HORMAD2: variants seen among roughly 807,000 people sequenced by gnomAD.
HORMAD2 encodes the protein HORMA domain-containing protein 2.
HORMAD2 carries 45 observed loss-of-function variants against 38.8 expected under a neutral mutation model. The observed-to-expected ratio is 1.16, with a 90% CI of 0.91 to 1.49. HORMAD2 has a LOEUF of 1.49. Ranked by LOEUF, HORMAD2 falls within the 40% of genes most tolerant of loss-of-function variation. The pLI, the probability that HORMAD2 is intolerant of heterozygous loss-of-function variation, is 0.00. For missense variants in HORMAD2, 338 were observed against 367.0 expected (o/e 0.92, Z 0.65); for synonymous variants, 126 against 122.8 (o/e 1.03, Z -0.17).
rs893725466 is a variant in HORMAD2 at position 30,173,326 on chromosome 22, A to G, written c.820-2737A>G. 5.3e-5 allele frequency among the ~76,000 whole-genome samples: 8 copies of G among 152,202 alleles called. No individual in the cohort carries two copies. In the East Asian group the frequency reaches 7.7e-4, roughly 15 times the overall value. ...CTCCAGAGTGGACAATGGATTGGAG[A>G]GGCAGTCATAGTGGCAGTAGGGACC... On this transcript the variant is annotated intron_variant, in intron 10 of 10. Coordinates refer to ENST00000336726, the MANE Select transcript of HORMAD2 (RefSeq NM_152510.4).
intron 9 of HORMAD2, 81 bp downstream of exon 9, chr22:30,121,870 T>C: frequency 6.5e-7 from 1 of 1,541,760 alleles, no homozygotes. Flanking sequence ...TGCAGGCATC[T>C]GAAAGAGAAG....
chr22:30,118,929 G>A, intron 7 of HORMAD2, 51 bp from the exon 8 acceptor site: 1 of 1,259,622 alleles, frequency 7.9e-7, no homozygotes, highest in African/African-American at 1.5e-5. Context: ...GTAAGATTCT[G>A]GATTTCTTTT....
chr22:30,126,820 T>C (rs1010142261), intron 10 of HORMAD2, among the ~76,000 whole-genome samples: 1 of 152,352 alleles, frequency 6.6e-6, no homozygotes, highest in Non-Finnish European at 1.5e-5. Context: ...ATGAGAGTTG[T>C]GGTTGCTTTA....
chr22:30,189,945 T>C, the HORMAD2 span, among the ~76,000 whole-genome samples: 1 of 152,108 alleles, frequency 6.6e-6, no homozygotes, highest in Non-Finnish European at 1.5e-5. Flanking sequence ...GAACCTTTTC[T>C]CCCACAATTA....
intron 1 of HORMAD2, among the ~76,000 whole-genome samples, chr22:30,085,502 C>T (rs973507120): frequency 6.6e-6 from 1 of 152,062 alleles, no homozygotes; most frequent in African/African-American, 2.4e-5. Context: ...GCCTGTAATC[C>T]CAGCACTTTG....
At chr22:30,109,339 A>G (rs1297430252) in intron 5 of HORMAD2, among the ~76,000 whole-genome samples, 1 of 141,350 alleles carries the variant, frequency 7.1e-6, no homozygotes, top group Non-Finnish European at 1.5e-5. Context: ...TTTCTTTCTT[A>G]TAGGGTTTCA....
the HORMAD2 span, among the ~76,000 whole-genome samples, chr22:30,201,412 CTT>C: frequency 1.7e-4 from 21 of 121,046 alleles, no homozygotes; most frequent in South Asian, 5.6e-4. Context: ...AGAGTTAAGA[CTT>C]TTTTTTTTTT....
chr22:30,087,047 G>A (rs1193064411), intron 1 of HORMAD2, among the ~76,000 whole-genome samples: 2 of 152,174 alleles, frequency 1.3e-5, no homozygotes, highest in Non-Finnish European at 2.9e-5. Flanking sequence ...TTTCAGTAGA[G>A]ATGGGGTTTC....
At chr22:30,136,639 G>A in intron 10 of HORMAD2, 1 of 151,120 alleles carries the variant, frequency 6.6e-6, no homozygotes, top group Non-Finnish European at 1.5e-5. Flanking sequence ...CCACAAATAG[G>A]GCTTTTAATT....
intron 8 of HORMAD2, among the ~76,000 whole-genome samples, chr22:30,119,824 G>C (rs1468276468): frequency 6.6e-6 from 1 of 152,160 alleles, no homozygotes; most frequent in East Asian, 1.9e-4. Context: ...ATTAGCTCTG[G>C]CTCATCATTT....
intron 4 of HORMAD2, 89 bp from the exon 5 acceptor site, chr22:30,104,312 A>G: frequency 9.8e-7 from 1 of 1,020,580 alleles, no homozygotes; most frequent in Admixed American, 1.9e-5. Flanking sequence ...AATGTACATC[A>G]AAGCAAAAAG....
chr22:30,078,176 C>T (rs563191125), upstream of HORMAD2, among the ~76,000 whole-genome samples: 4 of 152,340 alleles, frequency 2.6e-5, no homozygotes, highest in African/African-American at 7.2e-5. Context: ...TTTCAGTCCA[C>T]CAATGTCTAT....
intron 10 of HORMAD2, among the ~76,000 whole-genome samples, chr22:30,130,778 A>T (rs1043597269): frequency 6.6e-6 from 1 of 151,396 alleles, no homozygotes; most frequent in Admixed American, 6.6e-5. Flanking sequence ...TTTTATAGAG[A>T]CAGGGTTTCG....
chr22:30,159,197 G>C (rs1212573149), intron 10 of HORMAD2, among the ~76,000 whole-genome samples: 1 of 152,088 alleles, frequency 6.6e-6, no homozygotes, highest in Non-Finnish European at 1.5e-5. Flanking sequence ...ATTGAATTTT[G>C]AAAGCCCTCA....
chr22:30,193,171 C>T, the HORMAD2 span, among the ~76,000 whole-genome samples: 1 of 152,192 alleles, frequency 6.6e-6, no homozygotes, highest in Non-Finnish European at 1.5e-5. Context: ...GTCTTAACCA[C>T]AGTTGATGTG....
chr22:30,127,190 A>G (rs1922928431), intron 10 of HORMAD2, among the ~76,000 whole-genome samples: 3 of 145,006 alleles, frequency 2.1e-5, no homozygotes, highest in Admixed American at 1.4e-4. Context: ...TGTTTTATAA[A>G]CAGAAGTTCT....
intron 10 of HORMAD2, among the ~76,000 whole-genome samples, chr22:30,170,251 C>A (rs1286504180): frequency 6.6e-6 from 1 of 152,086 alleles, no homozygotes; most frequent in East Asian, 1.9e-4. Flanking sequence ...TTGAAGTGAG[C>A]AAAATTCACT....
intron 3 of HORMAD2, among the ~76,000 whole-genome samples, chr22:30,100,791 T>G (rs1249219043): frequency 2.6e-5 from 4 of 152,166 alleles, no homozygotes; most frequent in Admixed American, 1.3e-4. Context: ...CAGACACTTC[T>G]CAAAAGAAGA....
At chr22:30,162,032 G>A (rs962951633) in intron 10 of HORMAD2, among the ~76,000 whole-genome samples, 5 of 152,068 alleles carry the variant, frequency 3.3e-5, no homozygotes. Flanking sequence ...ACACACACAG[G>A]GTGGGCATGG....
Sources: allele counts gnomAD v4.1 joint callset (sites outside exome capture counted in the v4.1 genomes callset), GRCh38; gene constraint gnomAD v4.1.1; transcripts MANE v1.5; gene names NCBI Gene and HGNC (gene_info 2026-07-23, HGNC 2026-07-21).